Variants in OSBPL1A observed in about 807,000 individuals in gnomAD.
OSBPL1A encodes oxysterol-binding protein-related protein 1.
A neutral mutation model predicts 137.1 loss-of-function variants in OSBPL1A; 80 were observed. The observed-to-expected ratio is 0.58, with a 90% CI of 0.49 to 0.70. The LOEUF is 0.70. Among genes scored for constraint, OSBPL1A ranks in the 30% least tolerant of loss-of-function variants. The probability of loss-of-function intolerance (pLI) is 0.00; values close to 1 mark genes in which losing one functional copy is unlikely to be tolerated. For missense variants in OSBPL1A, 970 were observed against 1,129.4 expected (o/e 0.86, Z 2.02); for synonymous variants, 365 against 389.7 (o/e 0.94, Z 0.75).
At chr18:24,259,541 C>CT (rs920092934) in intron 15 of OSBPL1A, among the ~76,000 whole-genome samples, 1 of 152,064 alleles carries the variant, frequency 6.6e-6, no homozygotes, top group Non-Finnish European at 1.5e-5. Context: ...TTTTCTGCCC[C>CT]TTCCTCCTTC....
At chr18:24,192,608 A>G (rs770507765) in intron 18 of OSBPL1A, among the ~76,000 whole-genome samples, 2 of 152,204 alleles carry the variant, frequency 1.3e-5, no homozygotes, top group Non-Finnish European at 2.9e-5. Flanking sequence ...GCTAAATGCT[A>G]TTTGGAAAAA....
intron 1 of OSBPL1A, among the ~76,000 whole-genome samples, chr18:24,386,956 C>A (rs1383320620): frequency 2.6e-5 from 4 of 151,528 alleles, no homozygotes; most frequent in African/African-American, 9.7e-5. Flanking sequence ...GACCCTATGT[C>A]AAAAACATAT....
intron 14 of OSBPL1A, among the ~76,000 whole-genome samples, chr18:24,290,704 A>G (rs1391983957): frequency 6.6e-6 from 1 of 152,148 alleles, no homozygotes; most frequent in East Asian, 1.9e-4. Flanking sequence ...TAAATAATAA[A>G]TAAATAAAAC....
intron 1 of OSBPL1A, among the ~76,000 whole-genome samples, chr18:24,379,705 A>C (rs938153785): frequency 6.6e-6 from 1 of 151,228 alleles, no homozygotes; most frequent in Admixed American, 6.6e-5. Context: ...CTCTACTAAA[A>C]ATAAAAAAAA....
chr18:24,292,457 G>A (rs2090191893), intron 14 of OSBPL1A, among the ~76,000 whole-genome samples: 1 of 152,106 alleles, frequency 6.6e-6, no homozygotes, highest in African/African-American at 2.4e-5. Context: ...CTGAGTTTGA[G>A]AGATATAAGG....
At chr18:24,304,805 T>G (rs945280021) in intron 13 of OSBPL1A, among the ~76,000 whole-genome samples, 3 of 152,242 alleles carry the variant, frequency 2.0e-5, no homozygotes, top group Non-Finnish European at 4.4e-5. Flanking sequence ...ATTATTCATG[T>G]TATCACATTA....
At chr18:24,185,075 A>G (rs1275856878) in intron 18 of OSBPL1A, among the ~76,000 whole-genome samples, 3 of 152,220 alleles carry the variant, frequency 2.0e-5, no homozygotes, top group South Asian at 2.1e-4. Context: ...AAAAAAGTCG[A>G]TATGATTCCA....
intron 16 of OSBPL1A, among the ~76,000 whole-genome samples, chr18:24,229,661 G>C (rs1263290612): frequency 1.3e-5 from 2 of 152,148 alleles, no homozygotes; most frequent in Non-Finnish European, 2.9e-5. Context: ...GAAAGTCAAA[G>C]CCTATCCATA....
intron 13 of OSBPL1A, among the ~76,000 whole-genome samples, chr18:24,305,605 G>T (rs1375985923): frequency 6.6e-6 from 1 of 152,108 alleles, no homozygotes; most frequent in African/African-American, 2.4e-5. Flanking sequence ...TTAATATTTT[G>T]CAGAGTCCAA....
chr18:24,274,639 G>A (rs1342324621), intron 15 of OSBPL1A, among the ~76,000 whole-genome samples: 1 of 152,196 alleles, frequency 6.6e-6, no homozygotes, highest in Admixed American at 6.5e-5. Flanking sequence ...CAGGCGTGGT[G>A]GCTGAAGCCT....
Position 24,317,114 on chromosome 18 carries a change from A to T in OSBPL1A, c.870+35T>A, listed in dbSNP as rs764207612. 23 of 1,608,164 alleles carry T rather than the reference A, an allele frequency of 1.4e-5. 1 individual carries two copies. The South Asian group carries it at 2.4e-4, about 17-fold the overall frequency. ...CAATCACTTGAAGAACTGATTTCAC[A>T]GTTAGAGGAGCAAATGATCCATGTT... is the stretch of plus-strand genomic sequence containing the variant. On this transcript the variant is annotated intron_variant, in intron 11 of 27. Coordinates refer to ENST00000319481, the MANE Select transcript of OSBPL1A (RefSeq NM_080597.4).
chr18:24,352,216 C>T (rs534166047), intron 4 of OSBPL1A, among the ~76,000 whole-genome samples: 18 of 152,170 alleles, frequency 1.2e-4, no homozygotes, highest in African/African-American at 4.1e-4. Flanking sequence ...GTCAGAGGAT[C>T]GCTTGAGCCC....
chr18:24,175,117 T>TATATATAC (rs2086403790), intron 21 of OSBPL1A, among the ~76,000 whole-genome samples: 4 of 35,634 alleles, frequency 1.1e-4, no homozygotes, highest in African/African-American at 1.7e-4. Flanking sequence ...TGTATATATA[T>TATATATAC]ATATATATAT....
chr18:24,241,416 T>A (rs987389573), intron 15 of OSBPL1A, among the ~76,000 whole-genome samples: 1 of 151,972 alleles, frequency 6.6e-6, no homozygotes, highest in African/African-American at 2.4e-5. Flanking sequence ...ACAATGAACT[T>A]AAACAAATTT....
intron 1 of OSBPL1A, among the ~76,000 whole-genome samples, chr18:24,393,060 A>G (rs1031085779): frequency 2.0e-5 from 3 of 152,122 alleles, no homozygotes; most frequent in African/African-American, 7.2e-5. Flanking sequence ...GGTATTAAAG[A>G]TTAAAGTAAC....
chr18:24,272,619 G>C (rs1474127045), intron 15 of OSBPL1A, among the ~76,000 whole-genome samples: 4 of 152,112 alleles, frequency 2.6e-5, no homozygotes, highest in Non-Finnish European at 5.9e-5. Flanking sequence ...CTGATGGAGG[G>C]AAAGAAATCT....
intron 17 of OSBPL1A, among the ~76,000 whole-genome samples, chr18:24,197,287 C>T (rs2087062856): frequency 6.6e-6 from 1 of 152,182 alleles, no homozygotes; most frequent in Admixed American, 6.5e-5. Context: ...GCGGAGGTTG[C>T]AGTGAGCCGA....
At chr18:24,330,942 A>G (rs1430700416) in intron 7 of OSBPL1A, among the ~76,000 whole-genome samples, 3 of 151,712 alleles carry the variant, frequency 2.0e-5, no homozygotes, top group Non-Finnish European at 4.4e-5. Context: ...CTACAGGTGC[A>G]CGCCACCATG....
chr18:24,368,342 G>A lies in OSBPL1A; in HGVS notation c.152C>T (p.Pro51Leu). 1 of 1,613,564 alleles carries A rather than the reference G, an allele frequency of 6.2e-7. No homozygotes were observed. Among genetic ancestry groups the A allele is most frequent in the Non-Finnish European group, 8.5e-7 (1 of 1,179,632 alleles). Residue 51 changes from proline (P) to leucine (L), a missense_variant, in exon 3 of 28, where the codon CCT (proline) becomes CTT (leucine). Coordinates refer to ENST00000319481, the MANE Select transcript of OSBPL1A (RefSeq NM_080597.4). The stretch of plus-strand genomic sequence containing the variant: ...TCCAAAATAGCATGCCAGATGTAGA[G>A]GTGTCCAGCCCAAGTTAGACTTACT... ...GRSKSNLGWT[P>L]LHLACYFGHR... is the part of the protein sequence containing the mutation.
Sources: gnomAD v4.1 joint callset for allele counts (sites outside exome capture counted in the v4.1 genomes callset) on GRCh38, gnomAD v4.1.1 for gene constraint, MANE v1.5 for transcripts, NCBI Gene and HGNC (gene_info 2026-07-23, HGNC 2026-07-21) for gene names.